NAV1: variants seen among roughly 807,000 people sequenced by gnomAD.
NAV1 encodes neuron navigator 1.
A neutral mutation model predicts 175.2 loss-of-function variants in NAV1; 18 were observed. The ratio of observed to expected loss-of-function variants is 0.10; its 90% confidence interval spans 0.07 to 0.15. The LOEUF (loss-of-function observed/expected upper bound fraction) is 0.15. NAV1 is among the 10% of genes least tolerant of loss of function. The probability of loss-of-function intolerance (pLI) is 1.00; values close to 1 mark genes in which losing one functional copy is unlikely to be tolerated. For missense variants in NAV1, 1,731 were observed against 2,436.6 expected (o/e 0.71, Z 6.10); for synonymous variants, 897 against 978.7 (o/e 0.92, Z 1.56).
chr1:201,808,775 C>T lies in NAV1; in HGVS notation c.4111C>T (p.Pro1371Ser). ...CCCAGGCCCCTCATCAGGCTCCACT[C>T]CAGGGCAGGTCCCTGGATCATCTGC... is the stretch of plus-strand genomic sequence containing the variant. Residue 1371 changes from proline to serine, a missense_variant, in exon 20 of 30, where the codon CCA becomes TCA. Around this residue, in one of 13 missense-constraint regions of NAV1, gnomAD observed 122 missense variants for 139.4 expected, o/e 0.88. Coordinates refer to ENST00000367296, the Ensembl canonical transcript of NAV1. This position sits in a 1 kb window ranked among gnomAD's most constrained non-coding sequence, Gnocchi z 5.5. The T allele has an allele frequency of 6.2e-7, 1 of 1,614,200 alleles. No homozygotes were observed. The highest frequency in any genetic ancestry group is 1.1e-5 in the South Asian group (1 of 91,084).
At chr1:201,817,384 G>A (rs1411784601) in intron 29 of NAV1, 99 bp downstream of exon 33, 2 of 1,117,224 alleles carry the variant, frequency 1.8e-6, no homozygotes, top group Non-Finnish European at 1.3e-6. Context: ...ACTTTGAGAG[G>A]CTGAGGTGGG....
intron 1 of NAV1, among the ~76,000 whole-genome samples, chr1:201,678,456 T>G (rs1163266699): frequency 6.6e-6 from 1 of 152,166 alleles, no homozygotes; most frequent in Non-Finnish European, 1.5e-5. Context: ...ATTTTACAGA[T>G]GAGGGTGTTG....
At position 201,750,600 on chromosome 1, in the gene NAV1, A is replaced by G. The variant is rs143688319; in HGVS notation, c.1227-29821A>G. ...ATGAGATCTAAATAAGCTCTCCCCA[A>G]GTCAGACAGAGGACATATTTTTAGT... On this transcript the variant is annotated intron_variant, in intron 3 of 29. Transcript: ENST00000367296. The surrounding 1 kb of genome is among the most constrained non-coding windows in gnomAD (Gnocchi z 4.1). 2.0e-4 allele frequency among the ~76,000 whole-genome samples: 31 copies of G among 152,306 alleles called. No homozygotes were observed. The highest frequency in any genetic ancestry group is 6.7e-4 in the African/African-American group (28 of 41,566).
intron 1 of NAV1, among the ~76,000 whole-genome samples, chr1:201,705,183 C>T (rs1671616394): frequency 6.6e-6 from 1 of 152,138 alleles, no homozygotes; most frequent in Non-Finnish European, 1.5e-5. Context: ...TAGCCCAGTG[C>T]CCAGTGGAGA....
At chr1:201,704,801 G>T (rs1192070645) in intron 1 of NAV1, among the ~76,000 whole-genome samples, 1 of 152,198 alleles carries the variant, frequency 6.6e-6, no homozygotes, top group Non-Finnish European at 1.5e-5. Context: ...GAGAAAAGAT[G>T]CTTTTATGGG....
chr1:201,695,845 C>T (rs944434420), intron 1 of NAV1, among the ~76,000 whole-genome samples: 9 of 152,242 alleles, frequency 5.9e-5, no homozygotes, highest in African/African-American at 1.2e-4. Flanking sequence ...GCCACCACCC[C>T]GGCAGGAGCT....
intron 1 of NAV1, among the ~76,000 whole-genome samples, chr1:201,650,149 C>A (rs576215254): frequency 2.6e-4 from 40 of 152,336 alleles, no homozygotes; most frequent in African/African-American, 9.6e-4. Flanking sequence ...AAGCCTTTGC[C>A]CTGTGGCTAA....
upstream of NAV1, among the ~76,000 whole-genome samples, chr1:201,643,824 C>G (rs1444607134): frequency 1.3e-5 from 2 of 152,184 alleles, no homozygotes; most frequent in Admixed American, 6.5e-5. Flanking sequence ...GACAGATTCC[C>G]CAGACCCCCC....
chr1:201,618,155 C>G (rs1388769526), upstream of NAV1, among the ~76,000 whole-genome samples: 1 of 152,192 alleles, frequency 6.6e-6, no homozygotes, highest in Non-Finnish European at 1.5e-5. Flanking sequence ...AGCCACCCCA[C>G]CCCTGCTGCC....
At chr1:201,749,308 G>A (rs1386149909) in intron 3 of NAV1, among the ~76,000 whole-genome samples, 1 of 152,230 alleles carries the variant, frequency 6.6e-6, no homozygotes, top group African/African-American at 2.4e-5. Context: ...ATTCAGAGGT[G>A]AAGCAAAGAG....
At chr1:201,794,990 A>G (rs535086821) in intron 15 of NAV1, 1 of 167,276 alleles carries the variant, frequency 6.0e-6, no homozygotes, top group East Asian at 1.8e-4. Context: ...CATAGGTTAT[A>G]TGGTGCTGAA....
At chr1:201,652,428 G>A (rs1459958604) in intron 1 of NAV1, among the ~76,000 whole-genome samples, 1 of 152,168 alleles carries the variant, frequency 6.6e-6, no homozygotes, top group African/African-American at 2.4e-5. Context: ...CCCCACTGGG[G>A]AACCCTAGCA....
At chr1:201,573,093 G>A (rs1044960265) in intron 1 of NAV1, among the ~76,000 whole-genome samples, 1 of 152,226 alleles carries the variant, frequency 6.6e-6, no homozygotes, top group African/African-American at 2.4e-5. Context: ...TTAAAGGCCT[G>A]ACAATGTTCA....
intron 3 of NAV1, among the ~76,000 whole-genome samples, chr1:201,775,794 G>T (rs1322149319): frequency 1.3e-5 from 2 of 152,130 alleles, no homozygotes; most frequent in East Asian, 3.9e-4. Flanking sequence ...GCAGTGGCTC[G>T]CAACTGTAAT....
At chr1:201,584,377 A>G (rs1338340940) in intron 1 of NAV1, among the ~76,000 whole-genome samples, 1 of 152,260 alleles carries the variant, frequency 6.6e-6, no homozygotes, top group Admixed American at 6.5e-5. Context: ...AAGAATCTGG[A>G]TTCTAACCAC....
chr1:201,815,580 G>A (rs140995771), intron 28 of NAV1, among the ~76,000 whole-genome samples: 2 of 152,146 alleles, frequency 1.3e-5, no homozygotes, highest in African/African-American at 4.8e-5. Context: ...GGCTGGGCAG[G>A]GGGGTAGGTG....
intron 1 of NAV1, among the ~76,000 whole-genome samples, chr1:201,549,077 CT>C (rs1665751779): frequency 4.6e-5 from 6 of 130,012 alleles, no homozygotes; most frequent in Non-Finnish European, 8.1e-5. Flanking sequence ...TTCTAGTTTT[CT>C]CTTTCTTTCT....
chr1:201,794,188 G>A (rs541750800), intron 14 of NAV1: 7 of 639,576 alleles, frequency 1.1e-5, no homozygotes, highest in Admixed American at 6.2e-5. Flanking sequence ...TTTCGTTCTT[G>A]TCACCCAGGC....
chr1:201,615,508 C>T (rs922432772), intron 2 of NAV1, among the ~76,000 whole-genome samples: 3 of 152,102 alleles, frequency 2.0e-5, no homozygotes, highest in Admixed American at 6.6e-5. Context: ...CGTGATCCAC[C>T]CACCTTGACC....
Sources: allele counts gnomAD v4.1 joint callset (sites outside exome capture counted in the v4.1 genomes callset), GRCh38; gene constraint gnomAD v4.1.1; regional missense constraint gnomAD v4.1.1; non-coding constraint Gnocchi (gnomAD v3.1); transcripts MANE v1.5; gene names NCBI Gene and HGNC (gene_info 2026-07-23, HGNC 2026-07-21).